PTPRM: variants seen among roughly 807,000 people sequenced by gnomAD.
PTPRM encodes receptor-type tyrosine-protein phosphatase mu.
PTPRM carries 47 observed loss-of-function variants against 186.7 expected under a neutral mutation model. That is an observed-to-expected ratio of 0.25 (90% confidence interval 0.20 to 0.32). The LOEUF is 0.32. Among genes scored for constraint, PTPRM ranks in the 10% least tolerant of loss-of-function variants. The pLI, the probability that PTPRM is intolerant of heterozygous loss-of-function variation, is 1.00. For synonymous variants in PTPRM, 668 were observed against 674.9 expected (o/e 0.99, Z 0.16); for missense variants, 1,494 against 1,865.0 (o/e 0.80, Z 3.66).
chr18:7,930,309 A>G (rs2051409591), intron 5 of PTPRM, among the ~76,000 whole-genome samples: 2 of 152,100 alleles, frequency 1.3e-5, no homozygotes, highest in Non-Finnish European at 2.9e-5. Context: ...GGCTCAAGCA[A>G]TCCACCTGCC....
At chr18:7,640,861 C>A (rs965657073) in intron 1 of PTPRM, among the ~76,000 whole-genome samples, 1 of 151,770 alleles carries the variant, frequency 6.6e-6, no homozygotes, top group Non-Finnish European at 1.5e-5. Context: ...TTTAGAGCAC[C>A]CTGAAGTTGG....
intron 13 of PTPRM, among the ~76,000 whole-genome samples, chr18:8,127,900 T>G (rs1023986121): frequency 1.5e-4 from 23 of 152,168 alleles, no homozygotes; most frequent in African/African-American, 5.3e-4. Context: ...TTATATTTAG[T>G]GCCTTTGTTA....
chr18:8,217,694 A>G (rs556970163), intron 14 of PTPRM, among the ~76,000 whole-genome samples: 50 of 152,312 alleles, frequency 3.3e-4, no homozygotes, highest in Middle Eastern at 6.8e-3. Flanking sequence ...TTTACATAGT[A>G]AAGACCACTT....
At chr18:8,132,681 A>C (rs8095157) in intron 13 of PTPRM, among the ~76,000 whole-genome samples, 3,744 of 152,268 alleles carry the variant, frequency 0.025, 134 homozygotes, top group African/African-American at 0.086. Context: ...AATCATTGCA[A>C]GTATTGAGTT....
intron 5 of PTPRM, among the ~76,000 whole-genome samples, chr18:7,933,660 C>T (rs1337246681): frequency 6.6e-6 from 1 of 152,190 alleles, no homozygotes; most frequent in Non-Finnish European, 1.5e-5. Flanking sequence ...GGCTTACTGG[C>T]TACCCAAACA....
At position 8,122,271 on chromosome 18, in the gene PTPRM, C is replaced by T. The variant is rs1390323761; in HGVS notation, c.2167+7444C>T. On this transcript the variant is annotated intron_variant, in intron 13 of 32. Coordinates refer to ENST00000580170, the MANE Select transcript of PTPRM (RefSeq NM_001105244.2). ...GATAATCGTGACTCAGCTTACAACACCTTACATTCGCATCGCCCCCGCTGC... is the reference window on the plus strand; with the variant it reads ...GATAATCGTGACTCAGCTTACAACATCTTACATTCGCATCGCCCCCGCTGC... The T allele has an allele frequency of 2.0e-5, 3 of 152,686 alleles. No homozygotes were observed. The East Asian group carries it at 5.8e-4, about 30-fold the overall frequency. The allele number at this position is 152,686 out of a possible 1,614,324, so 9.5% of individuals were successfully genotyped here. A position where few individuals can be genotyped will look rare whatever the true frequency, so the allele number is the denominator to read the frequency against.
chr18:8,141,070 A>T (rs957087568), intron 13 of PTPRM, among the ~76,000 whole-genome samples: 1 of 152,162 alleles, frequency 6.6e-6, no homozygotes, highest in Non-Finnish European at 1.5e-5. Flanking sequence ...AAAAGAGGAG[A>T]GAGGAGCATC....
intron 1 of PTPRM, among the ~76,000 whole-genome samples, chr18:7,687,370 T>C (rs1054763937): frequency 2.0e-5 from 3 of 152,170 alleles, no homozygotes; most frequent in Non-Finnish European, 4.4e-5. Flanking sequence ...TTTTGGTGAA[T>C]GTTCTCAATT....
At chr18:8,056,898 A>G (rs28611270) in intron 7 of PTPRM, among the ~76,000 whole-genome samples, 1 of 152,054 alleles carries the variant, frequency 6.6e-6, no homozygotes, top group Non-Finnish European at 1.5e-5. Context: ...AGGAGGGCGT[A>G]TAGACAAAGA....
intron 2 of PTPRM, among the ~76,000 whole-genome samples, chr18:7,850,195 G>A (rs2046797170): frequency 6.6e-6 from 1 of 152,156 alleles, no homozygotes; most frequent in Admixed American, 6.5e-5. Context: ...TTGTCCCAAG[G>A]TGTATTTGAA....
chr18:8,333,786 C>A (rs1023838911), intron 22 of PTPRM, among the ~76,000 whole-genome samples: 1 of 152,192 alleles, frequency 6.6e-6, no homozygotes, highest in African/African-American at 2.4e-5. Flanking sequence ...GCCCAGGTTT[C>A]CTGCAGCTGC....
At chr18:8,153,731 A>G (rs1233950015) in intron 14 of PTPRM, among the ~76,000 whole-genome samples, 2 of 152,248 alleles carry the variant, frequency 1.3e-5, no homozygotes, top group African/African-American at 4.8e-5. Context: ...GTTTTTAAGC[A>G]GAAAAGTTAA....
intron 7 of PTPRM, among the ~76,000 whole-genome samples, chr18:7,997,914 A>C (rs2083637920): frequency 6.6e-6 from 1 of 152,192 alleles, no homozygotes; most frequent in Admixed American, 6.5e-5. Flanking sequence ...GAGAACTCTC[A>C]TGTCAATGTT....
intron 2 of PTPRM, among the ~76,000 whole-genome samples, chr18:7,779,070 T>G (rs989766974): frequency 1.6e-4 from 24 of 152,298 alleles, no homozygotes; most frequent in African/African-American, 5.8e-4. Flanking sequence ...TAACCCTGTC[T>G]TATAAAAAAA....
At chr18:8,260,057 T>C (rs1158956453) in intron 19 of PTPRM, among the ~76,000 whole-genome samples, 1 of 152,198 alleles carries the variant, frequency 6.6e-6, no homozygotes, top group Non-Finnish European at 1.5e-5. Flanking sequence ...GAAAAAAGGT[T>C]CTGCAAGCTG....
intron 5 of PTPRM, among the ~76,000 whole-genome samples, chr18:7,938,460 G>A (rs766539587): frequency 2.0e-5 from 3 of 152,128 alleles, no homozygotes; most frequent in African/African-American, 7.2e-5. Flanking sequence ...AAGTGAACTG[G>A]CTTGAGACCT....
intron 23 of PTPRM, among the ~76,000 whole-genome samples, chr18:8,360,117 A>C (rs2095587966): frequency 6.6e-6 from 1 of 152,248 alleles, no homozygotes; most frequent in South Asian, 2.1e-4. Flanking sequence ...TAGAGCCTTT[A>C]CACAACTGCG....
chr18:8,092,087 T>C (rs372222639), intron 11 of PTPRM, among the ~76,000 whole-genome samples: 1 of 152,278 alleles, frequency 6.6e-6, no homozygotes, highest in East Asian at 1.9e-4. Context: ...TATTCATTGA[T>C]GTTGAAAATT....
chr18:8,389,588 C>T (rs2148565650), intron 31 of PTPRM, among the ~76,000 whole-genome samples: 1 of 152,340 alleles, frequency 6.6e-6, no homozygotes, highest in African/African-American at 2.4e-5. Flanking sequence ...CCCTAAAGCC[C>T]CGCCTCTGTT....
Sources: allele counts gnomAD v4.1 joint callset (sites outside exome capture counted in the v4.1 genomes callset), GRCh38; gene constraint gnomAD v4.1.1; transcripts MANE v1.5; gene names NCBI Gene and HGNC (gene_info 2026-07-23, HGNC 2026-07-21).